The following CDC42BPB variants were observed in gnomAD, a reference collection of about 807,000 sequenced individuals.
CDC42BPB encodes serine/threonine-protein kinase MRCK beta.
CDC42BPB carries 37 observed loss-of-function variants against 214.9 expected under a neutral mutation model. That is an observed-to-expected ratio of 0.17 (90% CI 0.13 to 0.23). The LOEUF is 0.23. Ranked by LOEUF, CDC42BPB falls within the 10% of genes least tolerant of loss-of-function variation. The pLI is 1.00. For synonymous variants in CDC42BPB, 931 were observed against 884.0 expected (o/e 1.05, Z -0.94); for missense variants, 1,694 against 2,227.0 (o/e 0.76, Z 4.82).
At chr14:102,968,152 A>T in intron 16 of CDC42BPB, 101 bp downstream of exon 16, 1 of 766,728 alleles carries the variant, frequency 1.3e-6, no homozygotes, top group Non-Finnish European at 2.1e-6. Context: ...CTCCCCCATA[A>T]ATATATATAC....
intron 12 of CDC42BPB, among the ~76,000 whole-genome samples, chr14:102,972,807 C>T (rs1168536528): frequency 6.6e-6 from 1 of 150,466 alleles, no homozygotes; most frequent in Non-Finnish European, 1.5e-5. Flanking sequence ...CAGCCTCTGC[C>T]CAGTGTCACC....
intron 30 of CDC42BPB, among the ~76,000 whole-genome samples, chr14:102,942,205 A>G (rs1441720928): frequency 6.6e-6 from 1 of 151,002 alleles, no homozygotes; most frequent in Non-Finnish European, 1.5e-5. Flanking sequence ...ACCTCACCGC[A>G]GGCCCACGGC....
At chr14:103,049,902 G>A (rs139135674) in intron 1 of CDC42BPB, among the ~76,000 whole-genome samples, 258 of 152,188 alleles carry the variant, frequency 1.7e-3, no homozygotes, top group African/African-American at 6.0e-3. Context: ...TAGTAGAGAC[G>A]GGGTTTCACC....
intron 1 of CDC42BPB, among the ~76,000 whole-genome samples, chr14:103,036,252 A>C (rs1432346161): frequency 1.3e-5 from 2 of 148,632 alleles, no homozygotes; most frequent in Admixed American, 6.8e-5. Flanking sequence ...TCCTGGGTTC[A>C]CACCATTCTC....
intron 6 of CDC42BPB, 26 bp downstream of exon 6, chr14:102,986,461 G>A (rs372858234): frequency 1.6e-5 from 25 of 1,577,958 alleles, no homozygotes; most frequent in South Asian, 1.1e-4. Context: ...AAAACCAAAT[G>A]GAAAATCTCC....
chr14:103,025,499 T>C (rs527673813), intron 1 of CDC42BPB, among the ~76,000 whole-genome samples: 2 of 145,140 alleles, frequency 1.4e-5, no homozygotes, highest in African/African-American at 2.6e-5. Flanking sequence ...AATGAACTAG[T>C]ACACATTAAA....
intron 1 of CDC42BPB, among the ~76,000 whole-genome samples, chr14:103,019,591 G>T (rs1241793356): frequency 3.3e-5 from 5 of 152,094 alleles, no homozygotes; most frequent in Admixed American, 3.3e-4. Flanking sequence ...TGACATTCAC[G>T]AGGAGTCATC....
chr14:102,946,919 T>C, intron 27 of CDC42BPB: 1 of 951,708 alleles, frequency 1.1e-6, no homozygotes, highest in South Asian at 4.8e-5. Context: ...CCCATTTTCG[T>C]TAATTCTGCT....
chr14:103,028,531 A>T (rs1218991058), intron 1 of CDC42BPB, among the ~76,000 whole-genome samples: 1 of 152,240 alleles, frequency 6.6e-6, no homozygotes, highest in Non-Finnish European at 1.5e-5. Context: ...GCATCACAGA[A>T]GATGTGCTGG....
Position 103,013,819 on chromosome 14 carries a change from A to G in CDC42BPB, c.176-1631T>C, listed in dbSNP as rs552847772. 9.9e-4 allele frequency among the ~76,000 whole-genome samples: 151 copies of G among 152,270 alleles called. 2 individuals carry two copies. Among genetic ancestry groups the G allele is most frequent in the South Asian group, 3.9e-3 (19 of 4,824 alleles). On this transcript the variant is annotated intron_variant, in intron 1 of 36. Coordinates refer to ENST00000361246, the MANE Select transcript of CDC42BPB (RefSeq NM_006035.4). ...TCTGGCCTCCAGAGCTGTGAGATAAATATCTGTTGTTTAAGCCCCCCACTT... is the reference window on the plus strand; with the variant it reads ...TCTGGCCTCCAGAGCTGTGAGATAAGTATCTGTTGTTTAAGCCCCCCACTT...
chr14:103,008,435 A>G, intron 3 of CDC42BPB, 37 bp downstream of exon 3: 5 of 1,333,146 alleles, frequency 3.8e-6, no homozygotes, highest in Non-Finnish European at 5.4e-6. Context: ...GCTCACCCCA[A>G]GCCCCATTTG....
Position 102,987,537 on chromosome 14 carries a change from C to T in CDC42BPB, c.597-957G>A, listed in dbSNP as rs141729028. Among the ~76,000 whole-genome samples the T allele has an allele frequency of 1.7e-3, 259 of 152,230 alleles. 2 individuals are homozygous for T. Among genetic ancestry groups the T allele is most frequent in the African/African-American group, 5.8e-3 (241 of 41,544 alleles). On this transcript the variant is annotated intron_variant, in intron 5 of 36. Coordinates refer to ENST00000361246, the MANE Select transcript of CDC42BPB (RefSeq NM_006035.4). ...ATGGGTGAGTAAGCTGGGCTATACTCGTGTGATAGACACCACACCCCAATG... is the reference window on the plus strand; with the variant it reads ...ATGGGTGAGTAAGCTGGGCTATACTTGTGTGATAGACACCACACCCCAATG...
Position 103,049,252 on chromosome 14 carries a change from C to A in CDC42BPB, c.175+7747G>T, listed in dbSNP as rs117811459. Among the ~76,000 whole-genome samples the A allele has an allele frequency of 1.0e-3, 157 of 152,302 alleles. 3 individuals are homozygous for A. In the East Asian group the frequency reaches 0.027, roughly 26 times the overall value. On this transcript the variant is annotated intron_variant, in intron 1 of 36. Coordinates refer to ENST00000361246, the MANE Select transcript of CDC42BPB (RefSeq NM_006035.4). ...GGCATTGCTAAGCACCCACCAATATCCAAGGATCTTCTATAGTAACATCCC... is the reference window on the plus strand; with the variant it reads ...GGCATTGCTAAGCACCCACCAATATACAAGGATCTTCTATAGTAACATCCC...
chr14:103,056,887 G>C (rs1595208324), intron 1 of CDC42BPB, 112 bp downstream of exon 1: 1 of 713,786 alleles, frequency 1.4e-6, no homozygotes, highest in Non-Finnish European at 2.1e-6. Flanking sequence ...GAGCTGGGTG[G>C]GCAGGAGGGC....
intron 14 of CDC42BPB, among the ~76,000 whole-genome samples, 180 bp downstream of exon 14, chr14:102,969,971 G>C (rs1893399629): frequency 6.6e-6 from 1 of 152,230 alleles, no homozygotes; most frequent in Non-Finnish European, 1.5e-5. Flanking sequence ...CTTTAAAAAT[G>C]AAAGCAGTCA....
intron 30 of CDC42BPB, among the ~76,000 whole-genome samples, chr14:102,941,814 G>T (rs574341176): frequency 3.0e-4 from 46 of 152,368 alleles, no homozygotes; most frequent in African/African-American, 1.1e-3. Context: ...CCTGCCCTAA[G>T]GGATGGGGAG....
intron 1 of CDC42BPB, among the ~76,000 whole-genome samples, chr14:103,032,791 C>T (rs1887464228): frequency 1.3e-5 from 2 of 151,518 alleles, no homozygotes; most frequent in African/African-American, 2.4e-5. Flanking sequence ...CAGCACCACG[C>T]CTGGCTAATT....
At chr14:103,027,398 TTAATA>T (rs1157519914) in intron 1 of CDC42BPB, among the ~76,000 whole-genome samples, 1 of 152,136 alleles carries the variant, frequency 6.6e-6, no homozygotes, top group African/African-American at 2.4e-5. Flanking sequence ...TTTAAAAAAT[TTAATA>T]TAAAAAAAAT....
intron 1 of CDC42BPB, among the ~76,000 whole-genome samples, chr14:103,013,321 G>A (rs955641366): frequency 3.9e-5 from 6 of 152,160 alleles, no homozygotes; most frequent in East Asian, 3.8e-4. Flanking sequence ...GTCCTGTGGC[G>A]TCTGTAACAG....
Sources: allele counts gnomAD v4.1 joint callset (sites outside exome capture counted in the v4.1 genomes callset), GRCh38; gene constraint gnomAD v4.1.1; transcripts MANE v1.5; gene names NCBI Gene and HGNC (gene_info 2026-07-23, HGNC 2026-07-21).